CERS6: variants seen among roughly 807,000 people sequenced by gnomAD.
CERS6 encodes the protein LAG1 homolog, ceramide synthase 6.
Under a neutral mutation model 56.8 loss-of-function variants are expected in CERS6, and 26 were observed. The observed-to-expected ratio is 0.46, with a 90% confidence interval of 0.34 to 0.63. The LOEUF (loss-of-function observed/expected upper bound fraction) is 0.63. Among genes scored for constraint, CERS6 ranks in the 30% least tolerant of loss-of-function variants. The pLI is 0.01. For synonymous variants in CERS6, 164 were observed against 173.3 expected, an observed-to-expected ratio of 0.95 and a Z score of 0.42; for missense variants, 415 against 467.5, an observed-to-expected ratio of 0.89 and a Z score of 1.04.
At chr2:168,756,244 A>G (rs1166836568) in intron 8 of CERS6, among the ~76,000 whole-genome samples, 2 of 152,200 alleles carry the variant, frequency 1.3e-5, no homozygotes, top group Non-Finnish European at 2.9e-5. Flanking sequence ...TTAGGTTTCT[A>G]CCTGCCTAGC....
intron 8 of CERS6, among the ~76,000 whole-genome samples, chr2:168,726,301 T>TA (rs1413292107): frequency 6.6e-6 from 1 of 152,200 alleles, no homozygotes; most frequent in Non-Finnish European, 1.5e-5. Flanking sequence ...AACAGGTGCT[T>TA]ACTATGTTCC....
In CERS6 at chr2:168,456,733, C is replaced by A; in HGVS notation, c.170+115C>A. ...CCCCAACGCTCGCGTTCACGCCTCC[C>A]AACCTTTGTGTTCGGGGAGGGGTTG... On this transcript the variant is annotated intron_variant, in intron 1 of 9. Coordinates refer to ENST00000305747, the MANE Select transcript of CERS6 (RefSeq NM_203463.3). The surrounding 1 kb of genome is among the most constrained non-coding windows in gnomAD (Gnocchi z 4.1). The A allele has an allele frequency of 4.0e-6, 4 of 997,672 alleles. No homozygotes were observed. The highest frequency in any genetic ancestry group is 1.5e-5 in the South Asian group (1 of 64,766). 61.8% of individuals were successfully genotyped at this position (997,672 alleles called of 1,614,324 possible).
chr2:168,660,950 C>T (rs546747276), intron 4 of CERS6, among the ~76,000 whole-genome samples: 2 of 151,674 alleles, frequency 1.3e-5, no homozygotes, highest in Non-Finnish European at 2.9e-5. Context: ...TGAGAAATGC[C>T]TCCTGGTTTT....
chr2:168,488,956 TA>T lies in CERS6; in HGVS notation c.170+32340del, dbSNP rs1694320949. Among the ~76,000 whole-genome samples the T allele has an allele frequency of 6.6e-5, 10 of 152,328 alleles. No individual in the cohort carries two copies. The South Asian group carries it at 1.9e-3, about 28-fold the overall frequency. ...GCAATCATATAAATTTTAAAGAACT[TA>T]AGGGAAAGTAGTCTTCTATATTTAC... On this transcript the variant is annotated intron_variant, in intron 1 of 9. Transcript: ENST00000305747.
intron 8 of CERS6, among the ~76,000 whole-genome samples, chr2:168,752,160 A>G (rs1427439426): frequency 1.3e-5 from 2 of 152,086 alleles, no homozygotes; most frequent in Admixed American, 1.3e-4. Flanking sequence ...GGATTATGCC[A>G]GATGTGGTGG....
In CERS6 at chr2:168,547,478, C is replaced by T. The variant is rs1031720554; in HGVS notation, c.171-118C>T. 30 of 613,334 alleles carry T rather than the reference C, an allele frequency of 4.9e-5. No homozygotes were observed. In the East Asian group the frequency reaches 8.2e-4, roughly 17 times the overall value. The allele number at this position is 613,334 out of a possible 1,614,324, so 38.0% of individuals were successfully genotyped here. On this transcript the variant is annotated intron_variant, in intron 1 of 9. Transcript: ENST00000305747. ...GACAGGAGTGTTGACAATGTACACCCATGAAATCCTACCAACACTTTATTG... is the reference window on the plus strand; with the variant it reads ...GACAGGAGTGTTGACAATGTACACCTATGAAATCCTACCAACACTTTATTG...
chr2:168,517,032 G>A (rs982364768), intron 1 of CERS6, among the ~76,000 whole-genome samples: 12 of 151,994 alleles, frequency 7.9e-5, no homozygotes, highest in African/African-American at 2.9e-4. Flanking sequence ...GGTGTTGTTT[G>A]GACTCTGGAA....
chr2:168,489,021 A>G (rs901586417), intron 1 of CERS6, among the ~76,000 whole-genome samples: 4 of 152,192 alleles, frequency 2.6e-5, no homozygotes, highest in Admixed American at 6.5e-5. Context: ...GAAGATTCCA[A>G]TTTCTTTCTG....
intron 3 of CERS6, among the ~76,000 whole-genome samples, chr2:168,607,416 T>C (rs1270888131): frequency 6.6e-6 from 1 of 152,192 alleles, no homozygotes; most frequent in African/African-American, 2.4e-5. Flanking sequence ...GGAGTCTTGC[T>C]CTGTTGCCAG....
intron 1 of CERS6, among the ~76,000 whole-genome samples, chr2:168,499,638 G>A (rs752281569): frequency 2.0e-5 from 3 of 152,192 alleles, no homozygotes; most frequent in Non-Finnish European, 4.4e-5. Context: ...TTGAGTCACT[G>A]CACAGACTCC....
intron 1 of CERS6, among the ~76,000 whole-genome samples, chr2:168,491,071 G>T (rs1694362964): frequency 2.6e-5 from 4 of 152,224 alleles, no homozygotes; most frequent in Admixed American, 2.6e-4. Flanking sequence ...GAGTGCCAAA[G>T]AGGTGAGGGA....
intron 1 of CERS6, among the ~76,000 whole-genome samples, chr2:168,515,304 T>C (rs1457039772): frequency 6.6e-6 from 1 of 152,172 alleles, no homozygotes; most frequent in African/African-American, 2.4e-5. Flanking sequence ...TTGCTCAAAT[T>C]AATCCCCTAT....
At chr2:168,463,354 TA>T (rs1215129038) in intron 1 of CERS6, among the ~76,000 whole-genome samples, 5 of 152,230 alleles carry the variant, frequency 3.3e-5, no homozygotes, top group South Asian at 2.1e-4. Context: ...TTAATGACTA[TA>T]AGCTATTCTA....
At chr2:168,583,908 C>T (rs188993078) in intron 3 of CERS6, among the ~76,000 whole-genome samples, 3 of 152,170 alleles carry the variant, frequency 2.0e-5, no homozygotes, top group Non-Finnish European at 4.4e-5. Context: ...GCCATCATGA[C>T]CTGGCCTTTT....
intron 3 of CERS6, among the ~76,000 whole-genome samples, chr2:168,610,282 A>AT (rs34365889): frequency 2.2e-4 from 34 of 151,984 alleles, no homozygotes; most frequent in Admixed American, 1.6e-3. Flanking sequence ...CGGCCGACTG[A>AT]TTTTTTTTAG....
In CERS6 at chr2:168,754,079, C is replaced by T. The variant is rs140763740; in HGVS notation, c.846-11513C>T. Among the ~76,000 whole-genome samples the T allele has an allele frequency of 3.9e-4, 59 of 152,140 alleles. 1 individual carries two copies. The highest frequency in any genetic ancestry group is 1.3e-3 in the African/African-American group (55 of 41,482). On this transcript the variant is annotated intron_variant, in intron 8 of 9. Transcript: ENST00000305747. Reference sequence around the variant, plus strand: ...GCAGACAGCATGAGGGAAGTCAGGGCGGTGAGAAGCCAGGCATCAAATACC... The same window carrying T: ...GCAGACAGCATGAGGGAAGTCAGGGTGGTGAGAAGCCAGGCATCAAATACC...
intron 3 of CERS6, chr2:168,606,251 C>T (rs980224049): frequency 6.6e-6 from 1 of 152,220 alleles, no homozygotes; most frequent in Non-Finnish European, 1.5e-5. Context: ...TGACTGCCCT[C>T]CTGGGTTTCA....
chr2:168,540,367 A>G (rs926535529), intron 1 of CERS6, among the ~76,000 whole-genome samples: 4 of 152,168 alleles, frequency 2.6e-5, no homozygotes, highest in African/African-American at 7.2e-5. Flanking sequence ...GAAACTTACA[A>G]TCATGACTGA....
Position 168,769,825 on chromosome 2 carries a change from TGAA to T in CERS6, c.*170_*172del, listed in dbSNP as rs1160217533. On this transcript the variant is annotated 3_prime_UTR_variant, in exon 10 of 10. Coordinates refer to ENST00000305747, the MANE Select transcript of CERS6 (RefSeq NM_203463.3). ...CACTGCCATGTGTCCTGTCTGTGAA[TGAA>T]GAAGAATTACCATTCTCTCTTTGTA... The T allele has an allele frequency of 9.3e-6, 6 of 647,658 alleles. No individual in the cohort carries two copies. Among genetic ancestry groups the T allele is most frequent in the African/African-American group, 5.6e-5 (3 of 53,546 alleles). 40.1% of individuals were successfully genotyped at this position (647,658 alleles called of 1,614,324 possible).
Sources: gnomAD v4.1 joint callset for allele counts (sites outside exome capture counted in the v4.1 genomes callset) on GRCh38, gnomAD v4.1.1 for gene constraint, Gnocchi (gnomAD v3.1) non-coding constraint, MANE v1.5 for transcripts, NCBI Gene and HGNC (gene_info 2026-07-23, HGNC 2026-07-21) for gene names.